TDP1: variants seen among roughly 807,000 people sequenced by gnomAD.
TDP1 encodes the protein tyr-DNA phosphodiesterase 1.
TDP1 carries 64 observed loss-of-function variants against 81.5 expected under a neutral mutation model. The observed-to-expected ratio is 0.79, with a 90% CI of 0.64 to 0.97. TDP1 has a LOEUF of 0.97. Among genes scored for constraint, TDP1 ranks in the 50% least tolerant of loss-of-function variants. TDP1 has a pLI of 0.00. For missense variants in TDP1, 723 were observed against 743.8 expected (o/e 0.97, Z 0.33); for synonymous variants, 256 against 264.3 (o/e 0.97, Z 0.30).
chr14:89,983,024 A>T (rs1895169573), intron 8 of TDP1: 1 of 434,230 alleles, frequency 2.3e-6, no homozygotes, highest in Non-Finnish European at 4.6e-6. Flanking sequence ...TTGGCTCATT[A>T]TAATAATTTT....
intron 16 of TDP1, among the ~76,000 whole-genome samples, chr14:90,041,419 C>T (rs1194800386): frequency 1.3e-5 from 2 of 152,184 alleles, no homozygotes; most frequent in East Asian, 1.9e-4. Context: ...AGACAAACAG[C>T]GTTCTGATGA....
rs535159486 is a variant in TDP1 at position 90,034,964 on chromosome 14, G to A, written c.1753+1750G>A. On this transcript the variant is annotated intron_variant, in intron 16 of 16. Transcript: ENST00000335725. ...CGCACTAACCTTCCCAGCTTTCATG[G>A]TGAACCAAGCCTCCTCTGTCCCGCT... Among the ~76,000 whole-genome samples, 15 of 152,016 alleles carry A rather than the reference G, an allele frequency of 9.9e-5. No individual in the cohort carries two copies. In the East Asian group the frequency reaches 2.9e-3, roughly 29 times the overall value.
intron 13 of TDP1, among the ~76,000 whole-genome samples, chr14:89,992,541 T>C (rs1896305341): frequency 6.6e-6 from 1 of 152,230 alleles, no homozygotes; most frequent in Non-Finnish European, 1.5e-5. Flanking sequence ...TTTGCTGTGC[T>C]GGTTAGCCAG....
At chr14:89,993,018 C>A (rs756050199) in intron 13 of TDP1, 2 of 902,988 alleles carry the variant, frequency 2.2e-6, no homozygotes, top group East Asian at 1.2e-4. Context: ...CATAACACAC[C>A]GTGGAAGCAT....
intron 14 of TDP1, among the ~76,000 whole-genome samples, chr14:89,998,851 G>C (rs1247015062): frequency 6.6e-6 from 1 of 152,066 alleles, no homozygotes; most frequent in East Asian, 1.9e-4. Context: ...TGGGTGGCCA[G>C]ACTTTGCCTT....
intron 14 of TDP1, among the ~76,000 whole-genome samples, chr14:90,013,132 ACTGTGT>A (rs1338111614): frequency 3.3e-5 from 5 of 152,192 alleles, no homozygotes; most frequent in Non-Finnish European, 7.3e-5. Flanking sequence ...GAAGGGACGT[ACTGTGT>A]CTCAGATGAG....
At chr14:89,995,410 T>TA (rs1896579963) in intron 14 of TDP1, among the ~76,000 whole-genome samples, 1 of 152,186 alleles carries the variant, frequency 6.6e-6, no homozygotes, top group African/African-American at 2.4e-5. Context: ...TTAATCAACA[T>TA]AGAGTTTTAG....
Position 89,971,175 on chromosome 14 carries a change from G to A in TDP1, c.660G>A (p.Arg220=). The change falls in exon 6 of 17, where the codon AGG becomes AGA. Residue 220 remains arginine (R), a splice_region_variant and synonymous_variant. Transcript: ENST00000335725. The part of the protein sequence containing the change: ...WLVKQYPPEF[R]KKPILLVHGD... Reference sequence around the variant, plus strand: ...TTAAATACTAATGCTCTCTTTTTAGGAAGAAGCCAATCCTGCTTGTGCATG... The same window carrying A: ...TTAAATACTAATGCTCTCTTTTTAGAAAGAAGCCAATCCTGCTTGTGCATG... 6.2e-7 allele frequency: 1 copy of A among 1,613,490 alleles called. No homozygotes were observed. The highest frequency in any genetic ancestry group is 1.1e-5 in the South Asian group (1 of 91,076).
intron 16 of TDP1, among the ~76,000 whole-genome samples, chr14:90,037,030 T>C (rs1429068699): frequency 1.3e-5 from 2 of 152,158 alleles, no homozygotes; most frequent in African/African-American, 4.8e-5. Context: ...CAGGCTGGTC[T>C]TGAACTCCTG....
intron 15 of TDP1, among the ~76,000 whole-genome samples, chr14:90,026,687 C>T (rs576141191): frequency 8.2e-4 from 125 of 152,226 alleles, no homozygotes; most frequent in Non-Finnish European, 1.3e-3. Flanking sequence ...TCAATTTCCA[C>T]CTATGAGTGA....
chr14:89,972,559 G>A (rs780324537), intron 6 of TDP1, among the ~76,000 whole-genome samples: 3 of 152,168 alleles, frequency 2.0e-5, no homozygotes, highest in Non-Finnish European at 2.9e-5. Flanking sequence ...ATACAATGTG[G>A]CCAGTGAGTC....
chr14:89,997,010 C>G (rs1249366590), intron 14 of TDP1, among the ~76,000 whole-genome samples: 1 of 152,210 alleles, frequency 6.6e-6, no homozygotes, highest in South Asian at 2.1e-4. Context: ...TTTACATTGG[C>G]ATGAAAGAGA....
At chr14:90,041,901 C>T (rs138759575) in intron 16 of TDP1, among the ~76,000 whole-genome samples, 1 of 152,308 alleles carries the variant, frequency 6.6e-6, no homozygotes, top group East Asian at 1.9e-4. Context: ...TTATTGAGCA[C>T]CTACAACAGG....
chr14:89,971,246 C>G lies in TDP1; in HGVS notation c.731C>G (p.Pro244Arg), dbSNP rs779863680. Reference sequence around the variant, plus strand: ...GCTCACCTCCATGCCCAGGCCAAGCCTTACGAGAACATCTCTCTCTGCCAG... The same window carrying G: ...GCTCACCTCCATGCCCAGGCCAAGCGTTACGAGAACATCTCTCTCTGCCAG... ...AKAHLHAQAK[P>R]YENISLCQAK... The change falls in exon 6 of 17, where the codon CCT (proline) becomes CGT (arginine). Residue 244 changes from proline to arginine, a missense_variant. By Grantham distance (103) the Pro-to-Arg change is moderately radical. Transcript: ENST00000335725. 4.3e-6 allele frequency: 7 copies of G among 1,613,984 alleles called. No homozygotes were observed. In the Admixed American group the frequency reaches 6.7e-5, roughly 15 times the overall value.
intron 6 of TDP1, 99 bp from the exon 7 acceptor site, chr14:89,975,682 T>TAAA: frequency 9.3e-7 from 1 of 1,071,876 alleles, no homozygotes; most frequent in Non-Finnish European, 1.4e-6. Context: ...AAAATAGTTT[T>TAAA]AAAAAAAAAA....
chr14:90,015,760 C>T (rs1885237453), intron 14 of TDP1, among the ~76,000 whole-genome samples: 1 of 152,140 alleles, frequency 6.6e-6, no homozygotes, highest in Non-Finnish European at 1.5e-5. Context: ...GGACCCCCTC[C>T]TCATGACATA....
intron 16 of TDP1, among the ~76,000 whole-genome samples, chr14:90,040,984 C>T (rs1888297868): frequency 2.0e-5 from 3 of 152,092 alleles, no homozygotes; most frequent in Admixed American, 2.0e-4. Flanking sequence ...TCATTTATGA[C>T]CTAATTTTGA....
At chr14:90,009,477 G>A (rs1455038811) in intron 14 of TDP1, among the ~76,000 whole-genome samples, 2 of 152,212 alleles carry the variant, frequency 1.3e-5, no homozygotes, top group East Asian at 3.9e-4. Flanking sequence ...GAGAGATTAA[G>A]ATGAGAGTAA....
chr14:89,971,556 C>T (rs980152966), intron 6 of TDP1, among the ~76,000 whole-genome samples: 1 of 152,184 alleles, frequency 6.6e-6, no homozygotes, highest in East Asian at 1.9e-4. Context: ...ATAAGTAAGT[C>T]TTTCATCTTA....
Sources: gnomAD v4.1 joint callset for allele counts (sites outside exome capture counted in the v4.1 genomes callset) on GRCh38, gnomAD v4.1.1 for gene constraint, MANE v1.5 for transcripts, NCBI Gene and HGNC (gene_info 2026-07-23, HGNC 2026-07-21) for gene names.